ATP2A3: variants seen among roughly 807,000 people sequenced by gnomAD.
ATP2A3 encodes the protein sarcoplasmic/endoplasmic reticulum calcium ATPase 3.
A neutral mutation model predicts 106.8 loss-of-function variants in ATP2A3; 61 were observed. The ratio of observed to expected loss-of-function variants is 0.57; its 90% CI spans 0.46 to 0.71. ATP2A3 has a LOEUF of 0.71. ATP2A3 is among the 30% of genes least tolerant of loss of function. The pLI, the probability that ATP2A3 is intolerant of heterozygous loss-of-function variation, is 0.00. For synonymous variants in ATP2A3, 611 were observed against 609.3 expected (o/e 1.00, Z -0.04); for missense variants, 1,201 against 1,423.5 (o/e 0.84, Z 2.52).
chr17:3,951,198 A>G, intron 5 of ATP2A3, 53 bp downstream of exon 5: 2 of 1,208,054 alleles, frequency 1.7e-6, no homozygotes, highest in Non-Finnish European at 2.1e-6. Flanking sequence ...AAATAAATAA[A>G]ATAAATAAAT....
chr17:3,945,115 A>G lies in ATP2A3; in HGVS notation c.1129T>C (p.Cys377Arg), dbSNP rs915869746. The change falls in exon 9 of 21, where the codon TGC becomes CGC. Residue 377 changes from cysteine (C) to arginine (R), a missense_variant. Transcript: ENST00000397041. ...GAGATGGTGAACTCGTGCAAAAGGCAGGAGCCCGCATCGGCCTCGGCTACC... is the reference window on the plus strand; with the variant it reads ...GAGATGGTGAACTCGTGCAAAAGGCGGGAGCCCGCATCGGCCTCGGCTACC... ...FVVAEADAGS[C>R]LLHEFTISGT... 1.3e-6 allele frequency: 2 copies of G among 1,548,342 alleles called. No homozygotes were observed. The highest frequency in any genetic ancestry group is 2.4e-5 in the East Asian group (1 of 40,834).
At position 3,925,288 on chromosome 17, in the gene ATP2A3, C is replaced by G; in HGVS notation, c.*134G>C. The G allele has an allele frequency of 6.7e-7, 1 of 1,499,548 alleles. No homozygotes were observed. Among genetic ancestry groups the G allele is most frequent in the Non-Finnish European group, 9.2e-7 (1 of 1,091,464 alleles). The allele number at this position is 1,499,548 out of a possible 1,614,324, so 92.9% of individuals were successfully genotyped here. A position where few individuals can be genotyped will look rare whatever the true frequency, so the allele number is the denominator to read the frequency against. On this transcript the variant is annotated 3_prime_UTR_variant, in exon 21 of 21. Transcript: ENST00000397041. This position sits in a 1 kb window ranked among gnomAD's most constrained non-coding sequence, Gnocchi z 4.2. The stretch of plus-strand genomic sequence containing the variant: ...GGCCCGGGGATGGCCATTCTGACCT[C>G]GGGCCTGTCATTTATCCGGCGGGAC...
intron 14 of ATP2A3, among the ~76,000 whole-genome samples, chr17:3,940,664 C>T (rs6502761): frequency 0.16 from 24,267 of 151,990 alleles, 2,356 homozygotes; most frequent in Non-Finnish European, 0.21. Context: ...TGCACCACCA[C>T]GCCCCGCTAA....
chr17:3,945,518 A>C (rs1165786961), intron 8 of ATP2A3: 10 of 198,328 alleles, frequency 5.0e-5, no homozygotes, highest in Non-Finnish European at 9.3e-5. Flanking sequence ...CAGTTTCTCC[A>C]CTAGTAACAT....
intron 14 of ATP2A3, among the ~76,000 whole-genome samples, chr17:3,938,045 C>A (rs1230989464): frequency 6.6e-6 from 1 of 152,158 alleles, no homozygotes; most frequent in East Asian, 1.9e-4. Flanking sequence ...GTGTTGTAGT[C>A]AAGTTGAAGA....
At chr17:3,964,009 G>T (rs1193519902) in intron 1 of ATP2A3, among the ~76,000 whole-genome samples, 165 bp downstream of exon 1, 1 of 151,922 alleles carries the variant, frequency 6.6e-6, no homozygotes, top group Non-Finnish European at 1.5e-5. Flanking sequence ...CGGCGCCGGC[G>T]AAGGTGGCCG....
At chr17:3,951,553 G>GGC in intron 4 of ATP2A3, 28 bp downstream of exon 4, 3 of 647,356 alleles carry the variant, frequency 4.6e-6, no homozygotes, top group Non-Finnish European at 6.4e-6. Context: ...ACCGCCCCCC[G>GGC]CCCGGTCCCA....
Position 3,937,461 on chromosome 17 carries a change from T to C in ATP2A3, c.2276A>G (p.Gln759Arg), listed in dbSNP as rs1597598731. 1 of 1,612,756 alleles carries C rather than the reference T, an allele frequency of 6.2e-7. No homozygotes were observed. The highest frequency in any genetic ancestry group is 1.3e-5 in the African/African-American group (1 of 74,890). Residue 759 changes from glutamine (Q) to arginine (R), a missense_variant, in exon 15 of 21, where the codon CAA becomes CGA. Gln to Arg is a conservative substitution (Grantham distance 43). This residue lies in a region of ATP2A3 where 935 missense variants were observed against 1,176.7 expected (regional missense o/e 0.79). Coordinates refer to ENST00000397041, the MANE Select transcript of ATP2A3 (RefSeq NM_005173.4). ...GGAGGAGATGAGGTAGCGGATGAATTGCTTCATGTTGCTGTAGATGGCCCG... is the reference window on the plus strand; with the variant it reads ...GGAGGAGATGAGGTAGCGGATGAATCGCTTCATGTTGCTGTAGATGGCCCG... ...EGRAIYSNMK[Q>R]FIRYLISSNV... is the part of the protein sequence containing the mutation.
Position 3,951,255 on chromosome 17 carries a change from C to T in ATP2A3, c.459G>A (p.Val153=), listed in dbSNP as rs1433722778. The T allele has an allele frequency of 6.4e-7, 1 of 1,572,128 alleles. No homozygotes were observed. Among genetic ancestry groups the T allele is most frequent in the Admixed American group, 1.8e-5 (1 of 55,610 alleles). Residue 153 remains valine, a synonymous_variant, in exon 5 of 21, where the codon GTG becomes GTA. Transcript: ENST00000397041. ...AAGGAGGAGGCCCCGGCATACCTGC[C>T]ACTTCTACAATGTCCCCTGGGACGA... ...RDIVPGDIVE[V]AVGDKVPADL...
chr17:3,940,050 G>GT lies in ATP2A3; in HGVS notation c.2100+920dup, dbSNP rs58490329. 3.3e-3 allele frequency among the ~76,000 whole-genome samples: 323 copies of GT among 96,720 alleles called. 7 individuals are homozygous for GT. Among genetic ancestry groups the GT allele is most frequent in the Middle Eastern group, 0.011 (2 of 190 alleles). The allele number at this position is 96,720 out of a possible 152,430, so 63.5% of individuals were successfully genotyped here. ...TCATATCTTTTTTTTTTTGTTTTTT[G>GT]TTTTTTTTTTTTTTGGAGAGATGGG... On this transcript the variant is annotated intron_variant, in intron 14 of 20. Coordinates refer to ENST00000397041, the MANE Select transcript of ATP2A3 (RefSeq NM_005173.4).
intron 7 of ATP2A3, among the ~76,000 whole-genome samples, chr17:3,949,765 A>AGTTTACTG (rs1472964970): frequency 6.6e-6 from 1 of 152,218 alleles, no homozygotes; most frequent in African/African-American, 2.4e-5. Context: ...GAACAGTGCC[A>AGTTTACTG]GGCACACAGT....
Position 3,926,825 on chromosome 17 carries a change from T to C in ATP2A3, c.2981-1384A>G, listed in dbSNP as rs1052864331. 10 of 983,514 alleles carry C rather than the reference T, an allele frequency of 1.0e-5. No homozygotes were observed. The highest frequency in any genetic ancestry group is 6.1e-5 in the Admixed American group (1 of 16,274). The allele number at this position is 983,514 out of a possible 1,614,324, so 60.9% of individuals were successfully genotyped here. ...CTCAGGTGATCTGCCCACCTCGGCC[T>C]CCCAAAGTGCTGGGATGACAGGTGT... On this transcript the variant is annotated intron_variant, in intron 20 of 20. Coordinates refer to ENST00000397041, the MANE Select transcript of ATP2A3 (RefSeq NM_005173.4). This position sits in a 1 kb window ranked among gnomAD's most constrained non-coding sequence, Gnocchi z 4.6.
Position 3,941,709 on chromosome 17 carries a change from C to T in ATP2A3, c.1546-55G>A, listed in dbSNP as rs1034790076. 70 of 1,564,716 alleles carry T rather than the reference C, an allele frequency of 4.5e-5. No homozygotes were observed. The African/African-American group carries it at 8.4e-4, about 19-fold the overall frequency. ...ACTCATCAGTCAGAACCCCTCCTCT[C>T]CTTCCTGCCCAAACTCAGGAAACTG... is the stretch of plus-strand genomic sequence containing the variant. On this transcript the variant is annotated intron_variant, in intron 12 of 20. Coordinates refer to ENST00000397041, the MANE Select transcript of ATP2A3 (RefSeq NM_005173.4).
intron 11 of ATP2A3, 102 bp downstream of exon 11, chr17:3,943,289 A>C (rs750966315): frequency 1.3e-6 from 2 of 1,536,132 alleles, no homozygotes; most frequent in Admixed American, 1.9e-5. Flanking sequence ...AAAAAAAACA[A>C]AACGAAACAA....
chr17:3,950,183 C>T (rs1188847661), intron 7 of ATP2A3, among the ~76,000 whole-genome samples: 1 of 146,436 alleles, frequency 6.8e-6, no homozygotes, highest in African/African-American at 2.5e-5. Flanking sequence ...TTTTTTGAGA[C>T]AGAGTTTTGC....
At chr17:3,942,779 C>T (rs1280727883) in intron 11 of ATP2A3, 48 bp from the exon 12 acceptor site, 2 of 1,605,278 alleles carry the variant, frequency 1.2e-6, no homozygotes, top group East Asian at 4.5e-5. Flanking sequence ...GCCAGCAACT[C>T]TCGCCTGCCT....
At position 3,951,359 on chromosome 17, in the gene ATP2A3, G is replaced by C. The variant is rs780820787; in HGVS notation, c.355C>G (p.Leu119Val). 6.2e-7 allele frequency: 1 copy of C among 1,613,652 alleles called. No individual in the cohort carries two copies. Among genetic ancestry groups the C allele is most frequent in the Non-Finnish European group, 8.5e-7 (1 of 1,180,020 alleles). ...CCCATCTCAGGCTCATACTCCTTCA[G>C]GGCCTCGATGGCACTCTCGGCGTTG... ...ERNAESAIEA[L>V]KEYEPEMGKV... Residue 119 changes from leucine to valine, a missense_variant, in exon 5 of 21, where the codon CTG becomes GTG. By Grantham distance (32) the Leu-to-Val change is conservative. Coordinates refer to ENST00000397041, the MANE Select transcript of ATP2A3 (RefSeq NM_005173.4).
In ATP2A3 at chr17:3,946,312, G is replaced by A. The variant is rs1026888293; in HGVS notation, c.1095+1079C>T. 2.6e-4 allele frequency among the ~76,000 whole-genome samples: 40 copies of A among 152,008 alleles called. 1 individual carries two copies. In the East Asian group the frequency reaches 7.5e-3, roughly 29 times the overall value. ...CAGGGCTGAAATCCCTGCACTTTGG[G>A]AGGCCAAGGCGGGTGGATCACTTGA... On this transcript the variant is annotated intron_variant, in intron 8 of 20. Coordinates refer to ENST00000397041, the MANE Select transcript of ATP2A3 (RefSeq NM_005173.4).
intron 9 of ATP2A3, 39 bp from the exon 10 acceptor site, chr17:3,944,845 CG>C (rs2054002036): frequency 6.4e-6 from 10 of 1,568,732 alleles, no homozygotes; most frequent in Non-Finnish European, 8.7e-6. Flanking sequence ...ACCTCGGCTC[CG>C]CCCCCGAGAG....
Sources: gnomAD v4.1 joint callset for allele counts (sites outside exome capture counted in the v4.1 genomes callset) on GRCh38, gnomAD v4.1.1 for gene constraint, gnomAD v4.1.1 regional missense constraint, Gnocchi (gnomAD v3.1) non-coding constraint, MANE v1.5 for transcripts, NCBI Gene and HGNC (gene_info 2026-07-23, HGNC 2026-07-21) for gene names.